Variants in GHRH observed in about 807,000 individuals in gnomAD.
GHRH encodes somatoliberin.
A neutral mutation model predicts 15.6 loss-of-function variants in GHRH; 7 were observed. The observed-to-expected ratio is 0.45, with a 90% CI of 0.26 to 0.84. GHRH has a LOEUF of 0.84. Ranked by LOEUF, GHRH falls within the 40% of genes least tolerant of loss-of-function variation. The probability of loss-of-function intolerance (pLI) is 0.18; values close to 1 mark genes in which losing one functional copy is unlikely to be tolerated. For synonymous variants in GHRH, 54 were observed against 50.4 expected (o/e 1.07, Z -0.30); for missense variants, 117 against 138.0 (o/e 0.85, Z 0.76).
Position 37,257,711 on chromosome 20 carries a change from C to T in GHRH, c.-19-803G>A, listed in dbSNP as rs1218258279. On this transcript the variant is annotated intron_variant, in intron 1 of 4. Coordinates refer to ENST00000373614, the MANE Select transcript of GHRH (RefSeq NM_021081.6). ...CAAATCCTGGCTCTGCTGTCATTAG[C>T]TGTGTGTCCCAGGACAAGTGGCTTC... 2.0e-5 allele frequency among the ~76,000 whole-genome samples: 3 copies of T among 152,128 alleles called. No homozygotes were observed. The East Asian group carries it at 5.8e-4, about 29-fold the overall frequency.
intron 4 of GHRH, among the ~76,000 whole-genome samples, chr20:37,252,629 G>T (rs1366079467): frequency 6.6e-6 from 1 of 151,490 alleles, no homozygotes; most frequent in African/African-American, 2.4e-5. Context: ...TTAGCCGGGC[G>T]TGGTGGCGGG....
intron 4 of GHRH, among the ~76,000 whole-genome samples, chr20:37,251,766 C>A (rs903734928): frequency 6.6e-6 from 1 of 152,136 alleles, no homozygotes; most frequent in Non-Finnish European, 1.5e-5. Flanking sequence ...AGGGCTGTTA[C>A]GTGGACACAA....
chr20:37,251,905 C>T (rs573434128), intron 4 of GHRH, among the ~76,000 whole-genome samples: 4 of 152,330 alleles, frequency 2.6e-5, no homozygotes, highest in African/African-American at 9.6e-5. Context: ...GGAACAATGG[C>T]TATAGCAGCC....
Position 37,254,270 on chromosome 20 carries a change from C to T in GHRH, c.248G>A (p.Trp83Ter), listed in dbSNP as rs1315983892. The change falls in exon 4 of 5, where the codon TGG (tryptophan) becomes TAG (stop). Residue 83 changes from tryptophan (W) to a stop codon, truncating the protein, a stop_gained. Transcript: ENST00000373614. LOFTEE classifies it high-confidence loss of function. ...CAATTCCATTTGCTTTTGTTCTGCC[C>T]ACATGCTGTCTACCTGACGACCAAG... ...ARLGRQVDSM[W>*]AEQKQMELES... 2 of 1,614,122 alleles carry T rather than the reference C, an allele frequency of 1.2e-6. No homozygotes were observed. Among genetic ancestry groups the T allele is most frequent in the South Asian group, 2.2e-5 (2 of 91,074 alleles).
At chr20:37,256,262 A>G in intron 3 of GHRH, 132 bp downstream of exon 3, 1 of 573,654 alleles carries the variant, frequency 1.7e-6, no homozygotes, top group Non-Finnish European at 3.1e-6. Context: ...CCCTTTTGCT[A>G]TGGGAAGTCC....
intron 3 of GHRH, among the ~76,000 whole-genome samples, chr20:37,254,820 A>G (rs547564228): frequency 6.6e-6 from 1 of 152,340 alleles, no homozygotes; most frequent in Admixed American, 6.5e-5. Flanking sequence ...TTTACTAATC[A>G]AAACTGTCAA....
chr20:37,254,128 G>C, intron 4 of GHRH, 82 bp downstream of exon 4: 1 of 1,447,536 alleles, frequency 6.9e-7, no homozygotes, highest in African/African-American at 1.4e-5. Context: ...TCAGAGAGGA[G>C]TGGATTTTTT....
At chr20:37,259,899 T>C (rs1424224572) in intron 1 of GHRH, among the ~76,000 whole-genome samples, 1 of 152,136 alleles carries the variant, frequency 6.6e-6, no homozygotes, top group Non-Finnish European at 1.5e-5. Context: ...TTCACAGTAT[T>C]CCCCATTCAC....
At chr20:37,254,127 A>G in intron 4 of GHRH, 83 bp downstream of exon 4, 1 of 1,405,814 alleles carries the variant, frequency 7.1e-7, no homozygotes, top group Non-Finnish European at 1.0e-6. Flanking sequence ...TTCAGAGAGG[A>G]GTGGATTTTT....
chr20:37,251,180 G>C lies in GHRH; in HGVS notation c.*33C>G. The stretch of plus-strand genomic sequence containing the variant: ...GATTAACTGGATCCAGTTGCATTTT[G>C]GCTACAGGTAGCCCGGGTCACAGGA... On this transcript the variant is annotated 3_prime_UTR_variant, in exon 5 of 5. Coordinates refer to ENST00000373614, the MANE Select transcript of GHRH (RefSeq NM_021081.6). The C allele has an allele frequency of 6.5e-7, 1 of 1,548,310 alleles. No homozygotes were observed. The highest frequency in any genetic ancestry group is 8.8e-7 in the Non-Finnish European group (1 of 1,134,076).
intron 1 of GHRH, among the ~76,000 whole-genome samples, chr20:37,259,218 C>T (rs2068675185): frequency 6.6e-6 from 1 of 152,210 alleles, no homozygotes; most frequent in Non-Finnish European, 1.5e-5. Context: ...GCTGGAGCCT[C>T]TGCACCTACA....
At chr20:37,253,244 G>T (rs539034043) in intron 4 of GHRH, among the ~76,000 whole-genome samples, 1 of 152,172 alleles carries the variant, frequency 6.6e-6, no homozygotes, top group Admixed American at 6.5e-5. Context: ...CAGGAGAAAC[G>T]TGAGGGCCAG....
intron 1 of GHRH, among the ~76,000 whole-genome samples, chr20:37,261,326 T>C (rs927990536): frequency 6.6e-6 from 1 of 152,228 alleles, no homozygotes; most frequent in African/African-American, 2.4e-5. Context: ...GGCAATTACA[T>C]TGAATCAGTT....
rs979372779 is a variant in GHRH at position 37,258,508 on chromosome 20, G to A, written c.-19-1600C>T. 2.3e-4 allele frequency among the ~76,000 whole-genome samples: 35 copies of A among 152,116 alleles called. No individual in the cohort carries two copies. The highest frequency in any genetic ancestry group is 7.7e-4 in the African/African-American group (32 of 41,418). ...CTCCTCTAACCCAGGGATGCCTTGG[G>A]CCCCCAGGCAGCACTCAGGGGGTCT... On this transcript the variant is annotated intron_variant, in intron 1 of 4. Transcript: ENST00000373614. This position sits in a 1 kb window ranked among gnomAD's most constrained non-coding sequence, Gnocchi z 4.1.
chr20:37,255,506 A>C (rs1257289659), intron 3 of GHRH, among the ~76,000 whole-genome samples: 1 of 151,620 alleles, frequency 6.6e-6, no homozygotes, highest in Non-Finnish European at 1.5e-5. Context: ...TAAAATATAC[A>C]AAAAATTAGC....
rs1186019514 is a variant in GHRH at position 37,258,216 on chromosome 20, G to A, written c.-19-1308C>T. On this transcript the variant is annotated intron_variant, in intron 1 of 4. Coordinates refer to ENST00000373614, the MANE Select transcript of GHRH (RefSeq NM_021081.6). This position sits in a 1 kb window ranked among gnomAD's most constrained non-coding sequence, Gnocchi z 4.1. ...TGGCCTCGGGGGACTTGGCCACCTA[G>A]GAATTGGGTCCTCCCATCTCCCATG... 6.6e-6 allele frequency among the ~76,000 whole-genome samples: 1 copy of A among 152,226 alleles called. No individual in the cohort carries two copies. The highest frequency in any genetic ancestry group is 6.5e-5 in the Admixed American group (1 of 15,290).
At chr20:37,256,244 C>T (rs892756826) in intron 3 of GHRH, 150 bp downstream of exon 3, 11 of 557,700 alleles carry the variant, frequency 2.0e-5, no homozygotes, top group Admixed American at 1.0e-4. Flanking sequence ...TGAGGTTTAA[C>T]GCTGGAACCC....
intron 4 of GHRH, among the ~76,000 whole-genome samples, chr20:37,252,188 A>C (rs1193753731): frequency 6.6e-6 from 1 of 151,532 alleles, no homozygotes; most frequent in Admixed American, 6.6e-5. Context: ...CTCCTTTCAC[A>C]GAGTCGAAAC....
At chr20:37,253,929 G>GACA (rs2068638561) in intron 4 of GHRH, among the ~76,000 whole-genome samples, 1 of 152,036 alleles carries the variant, frequency 6.6e-6, no homozygotes, top group African/African-American at 2.4e-5. Context: ...TTTTGTATTT[G>GACA]TAATAGAGAC....
Sources: allele counts gnomAD v4.1 joint callset (sites outside exome capture counted in the v4.1 genomes callset), GRCh38; gene constraint gnomAD v4.1.1; non-coding constraint Gnocchi (gnomAD v3.1); transcripts MANE v1.5; gene names NCBI Gene and HGNC (gene_info 2026-07-23, HGNC 2026-07-21).